The following PPFIBP1 variants were observed in gnomAD, a reference collection of about 807,000 sequenced individuals.
The protein encoded by PPFIBP1 is liprin-beta-1.
PPFIBP1 carries 112 observed loss-of-function variants against 137.8 expected under a neutral mutation model. The ratio of observed to expected loss-of-function variants is 0.81; its 90% CI spans 0.70 to 0.95. The LOEUF (loss-of-function observed/expected upper bound fraction) is 0.95. PPFIBP1 is among the 40% of genes least tolerant of loss of function. The pLI is 0.00. For missense variants in PPFIBP1, 1,083 were observed against 1,196.6 expected, an observed-to-expected ratio of 0.91 and a Z score of 1.40; for synonymous variants, 378 against 417.3, an observed-to-expected ratio of 0.91 and a Z score of 1.15.
chr12:27,637,827 A>G (rs926158636), intron 4 of PPFIBP1, among the ~76,000 whole-genome samples: 2 of 152,210 alleles, frequency 1.3e-5, no homozygotes, highest in Non-Finnish European at 2.9e-5. Flanking sequence ...CAAGTAGAAG[A>G]TTATATACTT....
chr12:27,534,457 A>G (rs1244896721), intron 1 of PPFIBP1, among the ~76,000 whole-genome samples: 2 of 152,204 alleles, frequency 1.3e-5, no homozygotes, highest in African/African-American at 4.8e-5. Context: ...GAAAAATTTG[A>G]AAGAATGACA....
intron 2 of PPFIBP1, among the ~76,000 whole-genome samples, chr12:27,593,056 CG>C (rs2052715864): frequency 7.3e-6 from 1 of 136,076 alleles, no homozygotes; most frequent in Non-Finnish European, 1.5e-5. Context: ...CACTTGAGCA[CG>C]GGAAGTAGAG....
chr12:27,618,670 G>T (rs2056031019), intron 2 of PPFIBP1, among the ~76,000 whole-genome samples: 2 of 152,076 alleles, frequency 1.3e-5, no homozygotes, highest in South Asian at 4.2e-4. Flanking sequence ...ATCAATTGAT[G>T]CCTCACGTCT....
At chr12:27,560,585 G>C (rs115915706) in intron 1 of PPFIBP1, among the ~76,000 whole-genome samples, 209 of 152,314 alleles carry the variant, frequency 1.4e-3, no homozygotes, top group African/African-American at 4.9e-3. Context: ...ACTAATAGAG[G>C]ACCACATTTT....
intron 1 of PPFIBP1, among the ~76,000 whole-genome samples, chr12:27,526,052 G>A (rs931140843): frequency 6.6e-6 from 1 of 152,180 alleles, no homozygotes; most frequent in African/African-American, 2.4e-5. Context: ...TATGTTCTAT[G>A]GGGAGTACAT....
intron 2 of PPFIBP1, among the ~76,000 whole-genome samples, chr12:27,598,725 G>A (rs1380914806): frequency 1.3e-5 from 2 of 152,196 alleles, no homozygotes; most frequent in Admixed American, 6.5e-5. Flanking sequence ...ATGCCATGCT[G>A]AGGAATGTAG....
At chr12:27,623,038 C>T (rs961269982) in intron 2 of PPFIBP1, among the ~76,000 whole-genome samples, 1 of 152,088 alleles carries the variant, frequency 6.6e-6, no homozygotes, top group African/African-American at 2.4e-5. Context: ...TCCTGTCTTC[C>T]TATGGGTATA....
intron 1 of PPFIBP1, among the ~76,000 whole-genome samples, chr12:27,573,963 C>T (rs2050347972): frequency 7.2e-6 from 1 of 139,530 alleles, no homozygotes; most frequent in African/African-American, 2.7e-5. Context: ...GCTTGGATGA[C>T]AAAGTGAGAC....
intron 4 of PPFIBP1, 101 bp from the exon 5 acceptor site, chr12:27,645,961 A>G: frequency 1.2e-6 from 1 of 836,908 alleles, no homozygotes; most frequent in Non-Finnish European, 1.9e-6. Flanking sequence ...GTGCAGATTC[A>G]ATTCAGGCCC....
At chr12:27,662,072 G>A (rs1156978000) in intron 11 of PPFIBP1, among the ~76,000 whole-genome samples, 2 of 151,936 alleles carry the variant, frequency 1.3e-5, no homozygotes, top group African/African-American at 4.9e-5. Context: ...CAAACTGTTA[G>A]AGGGGCACCC....
chr12:27,655,149 A>C (rs756716204), intron 8 of PPFIBP1: 2 of 1,533,336 alleles, frequency 1.3e-6, no homozygotes, highest in Non-Finnish European at 1.7e-6. Flanking sequence ...CCAGTCTTTA[A>C]TGGCCAAACT....
chr12:27,664,484 A>T lies in PPFIBP1; in HGVS notation c.991+38A>T, dbSNP rs1360293055. The T allele has an allele frequency of 7.2e-6, 10 of 1,397,252 alleles. No homozygotes were observed. In the East Asian group the frequency reaches 2.4e-4, roughly 33 times the overall value. The allele number at this position is 1,397,252 out of a possible 1,614,324, so 86.6% of individuals were successfully genotyped here. A position where few individuals can be genotyped will look rare whatever the true frequency, so the allele number is the denominator to read the frequency against. On this transcript the variant is annotated intron_variant, in intron 12 of 29. Transcript: ENST00000228425. ...TCTAAAAGTTTTTCTACTTTGGTTGACTCTAAGTGGCTATAAACTTACACA... is the reference window on the plus strand; with the variant it reads ...TCTAAAAGTTTTTCTACTTTGGTTGTCTCTAAGTGGCTATAAACTTACACA...
At chr12:27,591,106 T>G (rs908737371) in intron 2 of PPFIBP1, among the ~76,000 whole-genome samples, 2 of 152,126 alleles carry the variant, frequency 1.3e-5, no homozygotes, top group African/African-American at 4.8e-5. Context: ...TTTTTTTTTT[T>G]TGACAAGCTA....
intron 11 of PPFIBP1, among the ~76,000 whole-genome samples, chr12:27,662,473 A>T (rs1194960710): frequency 6.6e-6 from 1 of 152,230 alleles, no homozygotes; most frequent in African/African-American, 2.4e-5. Flanking sequence ...GTTAAGAGTC[A>T]GTTAAAATAG....
intron 6 of PPFIBP1, among the ~76,000 whole-genome samples, chr12:27,648,190 T>C (rs2058657078): frequency 1.3e-5 from 2 of 152,044 alleles, no homozygotes. Flanking sequence ...GGGTAAAATA[T>C]TTGAATAGAC....
intron 11 of PPFIBP1, among the ~76,000 whole-genome samples, chr12:27,662,110 G>A (rs1209674478): frequency 3.3e-5 from 5 of 152,268 alleles, no homozygotes; most frequent in Admixed American, 1.3e-4. Flanking sequence ...TCGTGGGGTC[G>A]GGGATTCAGA....
At chr12:27,569,592 G>A (rs2136625538) in intron 1 of PPFIBP1, among the ~76,000 whole-genome samples, 1 of 152,230 alleles carries the variant, frequency 6.6e-6, no homozygotes, top group African/African-American at 2.4e-5. Flanking sequence ...GTCTTGCCCT[G>A]TTGCCCAGGC....
At chr12:27,535,566 G>A (rs979332790) in intron 1 of PPFIBP1, among the ~76,000 whole-genome samples, 4 of 146,076 alleles carry the variant, frequency 2.7e-5, no homozygotes, top group African/African-American at 9.9e-5. Context: ...ATGCGTGCCT[G>A]GCAATTTTTT....
intron 2 of PPFIBP1, among the ~76,000 whole-genome samples, chr12:27,613,345 T>C (rs1044223657): frequency 1.3e-5 from 2 of 152,244 alleles, no homozygotes; most frequent in East Asian, 1.9e-4. Context: ...AATATCTGAA[T>C]TGACAGAAGT....
Sources: gnomAD v4.1 joint callset for allele counts (sites outside exome capture counted in the v4.1 genomes callset) on GRCh38, gnomAD v4.1.1 for gene constraint, MANE v1.5 for transcripts, NCBI Gene and HGNC (gene_info 2026-07-23, HGNC 2026-07-21) for gene names.